The following PACRGL variants were observed in gnomAD, a reference collection of about 807,000 sequenced individuals.
The protein encoded by PACRGL is PACRG-like protein.
A neutral mutation model predicts 34.5 loss-of-function variants in PACRGL; 38 were observed. That is an observed-to-expected ratio of 1.10 (90% CI 0.85 to 1.44). PACRGL has a LOEUF of 1.44. Ranked by LOEUF, PACRGL falls within the 40% of genes most tolerant of loss-of-function variation. PACRGL has a pLI of 0.00. For synonymous variants in PACRGL, 128 were observed against 100.1 expected, an observed-to-expected ratio of 1.28 and a Z score of -1.66; for missense variants, 305 against 281.4, an observed-to-expected ratio of 1.08 and a Z score of -0.60.
At chr4:20,755,575 T>C (rs2149352728), downstream of PACRGL, among the ~76,000 whole-genome samples, 1 of 152,288 alleles carries the variant, frequency 6.6e-6, no homozygotes, top group South Asian at 2.1e-4. Context: ...GCTGACATTC[T>C]AGTGGAGAGA....
At chr4:20,706,716 C>CA (rs1320146384) in intron 3 of PACRGL, among the ~76,000 whole-genome samples, 2 of 152,026 alleles carry the variant, frequency 1.3e-5, no homozygotes, top group Non-Finnish European at 2.9e-5. Context: ...GCTGGGACTA[C>CA]AGGCACCCGC....
Position 20,709,186 on chromosome 4 carries a change from C to T in PACRGL, c.276-497C>T, listed in dbSNP as rs570116420. ...GCAGAAATCCTAATTCAGGGGCCACCACTTTGTAACCCTAAATGGGCCATT... is the reference window on the plus strand; with the variant it reads ...GCAGAAATCCTAATTCAGGGGCCACTACTTTGTAACCCTAAATGGGCCATT... On this transcript the variant is annotated intron_variant, in intron 4 of 8. Coordinates refer to ENST00000503585, the MANE Select transcript of PACRGL (RefSeq NM_001258345.3). Among the ~76,000 whole-genome samples the T allele has an allele frequency of 2.3e-4, 35 of 152,138 alleles. No homozygotes were observed. The Middle Eastern group carries it at 0.01, about 44-fold the overall frequency.
Position 20,741,974 on chromosome 4 carries a change from A to T in PACRGL, c.*57-10591A>T, listed in dbSNP as rs550030048. On this transcript the variant is annotated intron_variant, in intron 8 of 8. Transcript: ENST00000507634. ...CGAATAAACTAGAAAATCTAGAAGA[A>T]TGGATAAATTCCTGGACACATACAC... Among the ~76,000 whole-genome samples, 188 of 152,358 alleles carry T rather than the reference A, an allele frequency of 1.2e-3. 4 individuals are homozygous for T. The highest frequency in any genetic ancestry group is 4.4e-4 in the Non-Finnish European group (30 of 68,040).
In PACRGL at chr4:20,740,187, G is replaced by A. The variant is rs185131433; in HGVS notation, c.*57-12378G>A. Among the ~76,000 whole-genome samples, 521 of 152,146 alleles carry A rather than the reference G, an allele frequency of 3.4e-3. 3 individuals are homozygous for A. The highest frequency in any genetic ancestry group is 5.9e-3 in the Non-Finnish European group (402 of 68,000). On this transcript the variant is annotated intron_variant, in intron 8 of 8. Coordinates refer to the PACRGL transcript ENST00000507634. ...CAGGATATTATCCAGGAGAACTTGCGCAACCTAGCAAGTCAGGCCAACATT... is the reference window on the plus strand; with the variant it reads ...CAGGATATTATCCAGGAGAACTTGCACAACCTAGCAAGTCAGGCCAACATT...
chr4:20,737,683 GCT>G (rs1214901681), intron 8 of PACRGL, among the ~76,000 whole-genome samples: 8 of 152,186 alleles, frequency 5.3e-5, no homozygotes, highest in African/African-American at 1.4e-4. Context: ...AGAGGCAGAA[GCT>G]CTGATACTAA....
Position 20,729,016 on chromosome 4 carries a change from CAATGT to C in PACRGL, c.*1680_*1684del, listed in dbSNP as rs1279024391. ...TCTACTAAATCTTGGTAGTAGTTGTCAATGTAATGGAACCACTGGTGCTTTCAAAG... is the reference window on the plus strand; with the variant it reads ...TCTACTAAATCTTGGTAGTAGTTGTCAATGGAACCACTGGTGCTTTCAAAG... On this transcript the variant is annotated 3_prime_UTR_variant, in exon 9 of 9. Coordinates refer to ENST00000503585, the MANE Select transcript of PACRGL (RefSeq NM_001258345.3). 4 of 152,362 alleles carry C rather than the reference CAATGT, an allele frequency of 2.6e-5. No individual in the cohort carries two copies. Among genetic ancestry groups the C allele is most frequent in the Admixed American group, 2.0e-4 (3 of 15,266 alleles). 9.4% of individuals were successfully genotyped at this position (152,362 alleles called of 1,614,324 possible). A position where few individuals can be genotyped will look rare whatever the true frequency, so the allele number is the denominator to read the frequency against.
chr4:20,721,441 C>A (rs1743144225), intron 7 of PACRGL, among the ~76,000 whole-genome samples: 1 of 151,952 alleles, frequency 6.6e-6, no homozygotes. Context: ...CTGTTTTTTC[C>A]CCATCTTTGT....
chr4:20,696,581 C>T (rs1255536793), upstream of PACRGL: 3 of 152,218 alleles, frequency 2.0e-5, no homozygotes, highest in African/African-American at 7.2e-5. Flanking sequence ...ATTGCACTGA[C>T]TCTGTAGTCT....
chr4:20,734,699 T>G (rs140523892), downstream of PACRGL: 18 of 1,597,016 alleles, frequency 1.1e-5, no homozygotes, highest in Non-Finnish European at 1.5e-5. Flanking sequence ...TCTTGTACTG[T>G]CCCCCGGAGC....
chr4:20,730,167 A>G lies in PACRGL; in HGVS notation c.*2826A>G, dbSNP rs1747638853. The G allele has an allele frequency of 6.3e-7, 1 of 1,583,460 alleles. No individual in the cohort carries two copies. Among genetic ancestry groups the G allele is most frequent in the Non-Finnish European group, 8.6e-7 (1 of 1,166,288 alleles). On this transcript the variant is annotated 3_prime_UTR_variant, in exon 9 of 9. Coordinates refer to ENST00000503585, the MANE Select transcript of PACRGL (RefSeq NM_001258345.3). ...AACACAGAGCGATTAAATTCAGCAT[A>G]TCTGCAAGGAAAAGTACACTATTTT...
intron 8 of PACRGL, 49 bp downstream of exon 8, chr4:20,724,937 A>G (rs911008219): frequency 6.4e-6 from 7 of 1,092,102 alleles, no homozygotes; most frequent in South Asian, 6.4e-5. Context: ...TTTTAGGTGT[A>G]TTACTAAATT....
the PACRGL span, among the ~76,000 whole-genome samples, chr4:20,758,234 T>C: frequency 6.6e-6 from 1 of 152,210 alleles, no homozygotes; most frequent in African/African-American, 2.4e-5. Flanking sequence ...TATCCTTGTG[T>C]TTTCTTTCCA....
chr4:20,724,533 T>G (rs1744827978), intron 7 of PACRGL, among the ~76,000 whole-genome samples: 2 of 152,196 alleles, frequency 1.3e-5, no homozygotes, highest in African/African-American at 4.8e-5. Context: ...TCTTGCAAAT[T>G]ACAGAATCAC....
At chr4:20,700,419 C>CG (rs987423134), upstream of PACRGL, 2 of 152,150 alleles carry the variant, frequency 1.3e-5, no homozygotes, top group African/African-American at 4.8e-5. Context: ...CGTCATTGCG[C>CG]GGCGCGACCA....
intron 7 of PACRGL, among the ~76,000 whole-genome samples, chr4:20,720,717 T>C (rs1165019192): frequency 6.6e-6 from 1 of 152,244 alleles, no homozygotes; most frequent in African/African-American, 2.4e-5. Context: ...TGGGCTTCCC[T>C]TTGTGGGTAA....
At chr4:20,758,830 G>T in the PACRGL span, 1 of 1,612,644 alleles carries the variant, frequency 6.2e-7, no homozygotes, top group Non-Finnish European at 8.5e-7. Context: ...CCTCCCTGTG[G>T]AAAGAACTGC....
downstream of PACRGL, chr4:20,732,854 C>A: frequency 1.1e-6 from 1 of 917,180 alleles, no homozygotes; most frequent in African/African-American, 1.7e-5. Flanking sequence ...GAAGCTCTGA[C>A]AGATTTTTCC....
intron 8 of PACRGL, among the ~76,000 whole-genome samples, chr4:20,742,514 G>A (rs1320337186): frequency 6.6e-6 from 1 of 152,072 alleles, no homozygotes; most frequent in Non-Finnish European, 1.5e-5. Flanking sequence ...ACAATATTCA[G>A]CAGCCCTTCA....
chr4:20,763,478 A>G, the PACRGL span, among the ~76,000 whole-genome samples: 871 of 152,304 alleles, frequency 5.7e-3, 3 homozygotes, highest in Non-Finnish European at 0.01. Context: ...TGAAAAGAGT[A>G]CATGGAAACT....
Sources: allele counts gnomAD v4.1 joint callset (sites outside exome capture counted in the v4.1 genomes callset), GRCh38; gene constraint gnomAD v4.1.1; transcripts MANE v1.5; gene names NCBI Gene and HGNC (gene_info 2026-07-23, HGNC 2026-07-21).